WDR26: variants seen among roughly 807,000 people sequenced by gnomAD.
The protein encoded by WDR26 is WD repeat-containing protein 26.
A neutral mutation model predicts 84.1 loss-of-function variants in WDR26; 5 were observed. The observed-to-expected ratio is 0.06, with a 90% CI of 0.03 to 0.13. The LOEUF (loss-of-function observed/expected upper bound fraction) is 0.13. Ranked by LOEUF, WDR26 falls within the 10% of genes least tolerant of loss-of-function variation. The pLI is 1.00. For missense variants in WDR26, 642 were observed against 974.9 expected, an observed-to-expected ratio of 0.66 and a Z score of 4.55; for synonymous variants, 415 against 389.6, an observed-to-expected ratio of 1.07 and a Z score of -0.77.
In WDR26 at chr1:224,388,962, A is replaced by C. The variant is rs1263951296; in HGVS notation, c.*873T>G. On this transcript the variant is annotated 3_prime_UTR_variant, in exon 14 of 14. Coordinates refer to ENST00000414423, the MANE Select transcript of WDR26 (RefSeq NM_001379403.1). ...TCAGGAATAAAACAAAAGGGGGGAA[A>C]TCTTCAAAGCATTACTCTGAATTTC... 1 of 152,602 alleles carries C rather than the reference A, an allele frequency of 6.6e-6. No homozygotes were observed. The highest frequency in any genetic ancestry group is 2.4e-5 in the African/African-American group (1 of 41,456). 9.5% of individuals were successfully genotyped at this position (152,602 alleles called of 1,614,324 possible).
rs1444828479 is a variant in WDR26 at position 224,422,824 on chromosome 1, A to AG, written c.1064+1693dup. On this transcript the variant is annotated intron_variant, in intron 4 of 13. Transcript: ENST00000414423. ...GGCTTAACTAGGCTAGAAACTGTGGAGATTCAGAGAAATGAAAATTTTATA... is the reference window on the plus strand; with the variant it reads ...GGCTTAACTAGGCTAGAAACTGTGGAGGATTCAGAGAAATGAAAATTTTATA... Among the ~76,000 whole-genome samples, 16 of 152,290 alleles carry AG rather than the reference A, an allele frequency of 1.1e-4. No homozygotes were observed. The East Asian group carries it at 1.5e-3, about 15-fold the overall frequency.
chr1:224,401,702 G>GAAAAAAAAAAAA (rs5781368), intron 8 of WDR26, among the ~76,000 whole-genome samples: 1 of 97,768 alleles, frequency 1.0e-5, no homozygotes, highest in African/African-American at 4.0e-5. Context: ...AAAAAAAAAA[G>GAAAAAAAAAAAA]AAAAAAGAAA....
In WDR26 at chr1:224,413,178, GAT is replaced by G. The variant is rs1352968427; in HGVS notation, c.1320-1615_1320-1614del. 46 of 642,696 alleles carry G rather than the reference GAT, an allele frequency of 7.2e-5. 1 individual carries two copies. The highest frequency in any genetic ancestry group is 3.6e-4 in the South Asian group (11 of 30,724). The allele number at this position is 642,696 out of a possible 1,614,324, so 39.8% of individuals were successfully genotyped here. On this transcript the variant is annotated intron_variant, in intron 6 of 13. Coordinates refer to ENST00000414423, the MANE Select transcript of WDR26 (RefSeq NM_001379403.1). ...CACTCCAGCCTGGGTGACAGAGTGA[GAT>G]AGTCTCAAACAACAACAACAACAAA... is the stretch of plus-strand genomic sequence containing the variant.
At chr1:224,403,033 A>G (rs1287631295) in intron 8 of WDR26, among the ~76,000 whole-genome samples, 3 of 152,138 alleles carry the variant, frequency 2.0e-5, no homozygotes, top group Non-Finnish European at 1.5e-5. Flanking sequence ...AGATATGTAT[A>G]TATATGTAAT....
chr1:224,405,499 G>T (rs1392767390), intron 7 of WDR26, among the ~76,000 whole-genome samples: 1 of 152,198 alleles, frequency 6.6e-6, no homozygotes, highest in Non-Finnish European at 1.5e-5. Flanking sequence ...CTGCCAAACT[G>T]TTTTCCAAGT....
At chr1:224,392,275 G>A (rs947024972) in intron 13 of WDR26, among the ~76,000 whole-genome samples, 12 of 151,812 alleles carry the variant, frequency 7.9e-5, no homozygotes, top group East Asian at 1.9e-4. Context: ...GCAGGAGAAT[G>A]GCGTGAACCC....
intron 1 of WDR26, among the ~76,000 whole-genome samples, chr1:224,433,191 T>G (rs991569676): frequency 1.3e-5 from 2 of 152,144 alleles, no homozygotes; most frequent in Admixed American, 6.5e-5. Flanking sequence ...CTTTCCTGAT[T>G]GGTAGTTTGC....
intron 6 of WDR26, among the ~76,000 whole-genome samples, chr1:224,416,934 T>G (rs533775631): frequency 1.3e-5 from 2 of 152,218 alleles, no homozygotes; most frequent in Admixed American, 1.3e-4. Context: ...TCAATGAACA[T>G]TATTAAAGAG....
chr1:224,419,387 C>A (rs2102913887), intron 5 of WDR26, 131 bp downstream of exon 5: 1 of 714,442 alleles, frequency 1.4e-6, no homozygotes, highest in South Asian at 1.7e-5. Flanking sequence ...GTCTGAAAAA[C>A]TGGATTCTCC....
At chr1:224,433,115 T>G (rs1253829492) in intron 1 of WDR26, among the ~76,000 whole-genome samples, 2 of 152,212 alleles carry the variant, frequency 1.3e-5, no homozygotes, top group African/African-American at 4.8e-5. Context: ...GCATCAGATT[T>G]ATTCAACAAC....
rs1672979060 is a variant in WDR26 at position 224,385,759 on chromosome 1, A to G, written c.*4076T>C. 1 of 152,764 alleles carries G rather than the reference A, an allele frequency of 6.5e-6. No homozygotes were observed. Among genetic ancestry groups the G allele is most frequent in the South Asian group, 2.1e-4 (1 of 4,832 alleles). The allele number at this position is 152,764 out of a possible 1,614,324, so 9.5% of individuals were successfully genotyped here. A position where few individuals can be genotyped will look rare whatever the true frequency, so the allele number is the denominator to read the frequency against. Reference sequence around the variant, plus strand: ...TTTTCCATCTGTGCCTAAAAATGTTACAATTCAGTTCTAGCACATTGACCC... The same window carrying G: ...TTTTCCATCTGTGCCTAAAAATGTTGCAATTCAGTTCTAGCACATTGACCC... On this transcript the variant is annotated 3_prime_UTR_variant, in exon 14 of 14. Transcript: ENST00000414423.
chr1:224,430,034 G>A (rs1373528919), intron 3 of WDR26: 1 of 152,122 alleles, frequency 6.6e-6, no homozygotes, highest in Admixed American at 6.6e-5. Flanking sequence ...CTTGCCCAAT[G>A]GGAAAGCAAC....
chr1:224,433,977 G>C lies in WDR26; in HGVS notation c.429C>G (p.Ser143=), dbSNP rs1288211004. Residue 143 remains serine (S), a synonymous_variant, in exon 1 of 14, where the codon TCC becomes TCG. Coordinates refer to ENST00000414423, the MANE Select transcript of WDR26 (RefSeq NM_001379403.1). ...CCCCCGCGGACGACGACGACGAGGG[G>C]GACGACTCCCCGTTCTGGGCCGACA... The C allele has an allele frequency of 6.5e-7, 1 of 1,529,684 alleles. No individual in the cohort carries two copies. The allele number at this position is 1,529,684 out of a possible 1,614,324, so 94.8% of individuals were successfully genotyped here.
At position 224,389,018 on chromosome 1, in the gene WDR26, G is replaced by A. The variant is rs2102881844; in HGVS notation, c.*817C>T. ...TAATGTCCTTCCAAGCACTGTTTCT[G>A]ACCATGTCTCATGTGGTATTCCAGA... On this transcript the variant is annotated 3_prime_UTR_variant, in exon 14 of 14. Transcript: ENST00000414423. 6.6e-6 allele frequency: 1 copy of A among 152,644 alleles called. No homozygotes were observed. Among genetic ancestry groups the A allele is most frequent in the East Asian group, 1.9e-4 (1 of 5,180 alleles). 9.5% of individuals were successfully genotyped at this position (152,644 alleles called of 1,614,324 possible). A position where few individuals can be genotyped will look rare whatever the true frequency, so the allele number is the denominator to read the frequency against.
At chr1:224,433,567 C>CA in intron 1 of WDR26, 117 bp downstream of exon 1, 1 of 1,356,762 alleles carries the variant, frequency 7.4e-7, no homozygotes, top group Non-Finnish European at 9.7e-7. Context: ...GCCCAGCACT[C>CA]ATTCTCTTTG....
chr1:224,396,903 A>C (rs1673281501), intron 12 of WDR26, among the ~76,000 whole-genome samples: 1 of 145,166 alleles, frequency 6.9e-6, no homozygotes, highest in African/African-American at 2.5e-5. Context: ...AAAGAAAAGA[A>C]AAGAAAAGAA....
chr1:224,398,072 G>A, intron 12 of WDR26, 25 bp downstream of exon 12: 1 of 1,607,798 alleles, frequency 6.2e-7, no homozygotes, highest in South Asian at 1.1e-5. Flanking sequence ...ATCAACATAT[G>A]TAAACTGATA....
At chr1:224,422,276 T>C (rs1674085823) in intron 4 of WDR26, among the ~76,000 whole-genome samples, 1 of 152,226 alleles carries the variant, frequency 6.6e-6, no homozygotes, top group African/African-American at 2.4e-5. Context: ...AAGAAAAAGA[T>C]GGCAGAAAAG....
Position 224,424,625 on chromosome 1 carries a change from C to G in WDR26, c.957G>C (p.Lys319Asn). 1 of 1,614,184 alleles carries G rather than the reference C, an allele frequency of 6.2e-7. No homozygotes were observed. The highest frequency in any genetic ancestry group is 2.2e-5 in the East Asian group (1 of 44,876). ...TGCCATCCTCCAGGTATTCTAGGTA[C>G]TTCTGCTGCAGCAGCAAAAACTTCA... The change falls in exon 4 of 14, where the codon AAG (lysine) becomes AAC (asparagine). Residue 319 changes from lysine (K) to asparagine (N), a missense_variant. Lys to Asn is a moderately conservative substitution (Grantham distance 94). This residue lies in a region of WDR26 where 351 missense variants were observed against 672.8 expected (regional missense o/e 0.52). Transcript: ENST00000414423.
Sources: gnomAD v4.1 joint callset for allele counts (sites outside exome capture counted in the v4.1 genomes callset) on GRCh38, gnomAD v4.1.1 for gene constraint, gnomAD v4.1.1 regional missense constraint, MANE v1.5 for transcripts, NCBI Gene and HGNC (gene_info 2026-07-23, HGNC 2026-07-21) for gene names.